The following C3orf20 variants were observed in gnomAD, a reference collection of about 807,000 sequenced individuals.
The protein encoded by C3orf20 is uncharacterized protein C3orf20.
Under a neutral mutation model 88.3 loss-of-function variants are expected in C3orf20, and 76 were observed. The ratio of observed to expected loss-of-function variants is 0.86; its 90% CI spans 0.72 to 1.04. C3orf20 has a LOEUF of 1.04. Ranked by LOEUF, C3orf20 falls within the 50% of genes least tolerant of loss-of-function variation. The pLI is 0.00. For synonymous variants in C3orf20, 436 were observed against 437.4 expected, an observed-to-expected ratio of 1.00 and a Z score of 0.04; for missense variants, 1,056 against 1,123.3, an observed-to-expected ratio of 0.94 and a Z score of 0.86.
At chr3:14,747,316 A>G (rs1043443981) in intron 12 of C3orf20, among the ~76,000 whole-genome samples, 7 of 152,192 alleles carry the variant, frequency 4.6e-5, no homozygotes, top group Non-Finnish European at 1.0e-4. Flanking sequence ...GAAGTTGGCA[A>G]TATTGCAGCT....
rs376462321 is a variant in C3orf20 at position 14,768,290 on chromosome 3, A to G, written c.2496-3777A>G. Among the ~76,000 whole-genome samples the G allele has an allele frequency of 1.3e-5, 2 of 151,906 alleles. No homozygotes were observed. The highest frequency in any genetic ancestry group is 4.8e-5 in the African/African-American group (2 of 41,262). Reference sequence around the variant, plus strand: ...CCCCTCCAAGGATGGAGCTGTGGAGAGCAGGCCCCGTGCTCAGCAAGGAGC... The same window carrying G: ...CCCCTCCAAGGATGGAGCTGTGGAGGGCAGGCCCCGTGCTCAGCAAGGAGC... On this transcript the variant is annotated intron_variant, in intron 15 of 16. Coordinates refer to ENST00000253697, the MANE Select transcript of C3orf20 (RefSeq NM_032137.5). This position sits in a 1 kb window ranked among gnomAD's most constrained non-coding sequence, Gnocchi z 4.1.
intron 13 of C3orf20, among the ~76,000 whole-genome samples, chr3:14,759,177 A>G: frequency 6.6e-6 from 1 of 152,112 alleles, no homozygotes; most frequent in East Asian, 1.9e-4. Flanking sequence ...GTCTTTGGTG[A>G]ATGCAGAAAT....
rs1559394383 is a variant in C3orf20, at chr3:14,684,350, G to C, written c.593G>C (p.Arg198Thr). 2 of 1,614,178 alleles carry C rather than the reference G, an allele frequency of 1.2e-6. No individual in the cohort carries two copies. The highest frequency in any genetic ancestry group is 2.2e-5 in the South Asian group (2 of 91,074). ...AACTGCCTGATCAGCACAGCCGGGAGAAGTGGCTACAGCAGCGGACAGTTG... is the reference window on the plus strand; with the variant it reads ...AACTGCCTGATCAGCACAGCCGGGACAAGTGGCTACAGCAGCGGACAGTTG... ...AFNCLISTAGRSGYSSGQLWK... is the reference protein window; with the variant it reads ...AFNCLISTAGTSGYSSGQLWK... The change falls in exon 4 of 17, where the codon AGA (arginine) becomes ACA (threonine). Residue 198 changes from arginine (R) to threonine (T), a missense_variant. Arg to Thr is a moderately conservative substitution (Grantham distance 71). Coordinates refer to ENST00000253697, the MANE Select transcript of C3orf20 (RefSeq NM_032137.5).
intron 12 of C3orf20, among the ~76,000 whole-genome samples, chr3:14,747,118 T>C (rs1484119300): frequency 2.0e-5 from 3 of 152,218 alleles, no homozygotes; most frequent in East Asian, 3.8e-4. Context: ...GTTGTCAAAG[T>C]TACCAACTAG....
In C3orf20 at chr3:14,703,189, C is replaced by G. The variant is rs2033348214; in HGVS notation, c.805C>G (p.Pro269Ala). The G allele has an allele frequency of 3.1e-6, 5 of 1,614,166 alleles. No homozygotes were observed. Among genetic ancestry groups the G allele is most frequent in the Non-Finnish European group, 4.2e-6 (5 of 1,180,028 alleles). Reference protein sequence around the residue: ...MPPLHRGVGTPANSLEFSDPC... With the variant: ...MPPLHRGVGTAANSLEFSDPC... ...GCCCCTGCATCGAGGAGTGGGAACC[C>G]CTGCCAACAGCCTGGAGTTCAGCGA... is the stretch of plus-strand genomic sequence containing the variant. The change falls in exon 6 of 17, where the codon CCT becomes GCT. Residue 269 changes from proline (P) to alanine (A), a missense_variant. Coordinates refer to ENST00000253697, the MANE Select transcript of C3orf20 (RefSeq NM_032137.5).
intron 4 of C3orf20, among the ~76,000 whole-genome samples, chr3:14,686,865 T>C (rs910671763): frequency 5.3e-5 from 8 of 152,214 alleles, no homozygotes; most frequent in Non-Finnish European, 1.2e-4. Flanking sequence ...ACTGAGTCAG[T>C]AGCTTTGTCA....
At chr3:14,745,139 G>A (rs1256613723) in intron 12 of C3orf20, among the ~76,000 whole-genome samples, 2 of 152,196 alleles carry the variant, frequency 1.3e-5, no homozygotes, top group East Asian at 1.9e-4. Flanking sequence ...AGCAGTTGAT[G>A]AAGCTAGGCT....
Position 14,728,633 on chromosome 3 carries a change from G to T in C3orf20, c.1885G>T (p.Val629Leu), listed in dbSNP as rs371054419. Residue 629 changes from valine (V) to leucine (L), a missense_variant, in exon 12 of 17, where the codon GTG (valine) becomes TTG (leucine). By Grantham distance (32) the Val-to-Leu change is conservative. Transcript: ENST00000253697. ...GAAGGATGAGCCTGAGTCTGCTCCT[G>T]TGAGCCCAGTTCGGAAGACCACCAA... ...TLKDEPESAP[V>L]SPVRKTTKIH... 7 of 1,612,836 alleles carry T rather than the reference G, an allele frequency of 4.3e-6. No individual in the cohort carries two copies. The African/African-American group carries it at 9.4e-5, about 22-fold the overall frequency.
intron 10 of C3orf20, among the ~76,000 whole-genome samples, chr3:14,723,792 ATT>A (rs1280461903): frequency 6.8e-3 from 26 of 3,828 alleles, no homozygotes; most frequent in Admixed American, 0.031. Context: ...ATTTTATTTT[ATT>A]TTATTTTATT....
At chr3:14,705,414 T>G (rs895330370) in intron 7 of C3orf20, among the ~76,000 whole-genome samples, 1 of 152,256 alleles carries the variant, frequency 6.6e-6, no homozygotes, top group African/African-American at 2.4e-5. Context: ...AGTCTGATTA[T>G]TTTCTTCACT....
intron 1 of C3orf20, among the ~76,000 whole-genome samples, chr3:14,677,531 G>T (rs769338392): frequency 3.3e-5 from 5 of 151,768 alleles, no homozygotes. Context: ...CGGGAGTTTC[G>T]TTCCTGTTGC....
intron 5 of C3orf20, among the ~76,000 whole-genome samples, chr3:14,690,621 C>T (rs548943172): frequency 9.8e-5 from 15 of 152,338 alleles, no homozygotes; most frequent in African/African-American, 3.6e-4. Flanking sequence ...GGAAGACACA[C>T]ACAGGAGAGG....
At chr3:14,743,382 C>T (rs552861572) in intron 12 of C3orf20, among the ~76,000 whole-genome samples, 11 of 152,106 alleles carry the variant, frequency 7.2e-5, no homozygotes, top group Admixed American at 2.0e-4. Flanking sequence ...AGGTAAGTTC[C>T]CAGGGTCTTG....
rs368377013 is a variant in C3orf20 at position 14,682,793 on chromosome 3, A to T, written c.80A>T (p.Lys27Ile). ...CCCAAGCTACTGGCCCGCATCTCCA[A>T]ACTCCTCATGATCTGCCAGAATGCA... is the stretch of plus-strand genomic sequence containing the variant. ...MAPKLLARIS[K>I]LLMICQNAGI... The change falls in exon 3 of 17, where the codon AAA becomes ATA. Residue 27 changes from lysine to isoleucine, a missense_variant. Coordinates refer to ENST00000253697, the MANE Select transcript of C3orf20 (RefSeq NM_032137.5). 1.2e-6 allele frequency: 2 copies of T among 1,614,012 alleles called. No homozygotes were observed. The highest frequency in any genetic ancestry group is 2.2e-5 in the East Asian group (1 of 44,892).
intron 15 of C3orf20, among the ~76,000 whole-genome samples, chr3:14,762,531 C>T (rs949678999): frequency 6.6e-6 from 1 of 152,232 alleles, no homozygotes; most frequent in Non-Finnish European, 1.5e-5. Flanking sequence ...CCCTGCTCCA[C>T]TCTACTGGCT....
At chr3:14,722,337 C>G (rs1316468029) in intron 10 of C3orf20, 3 of 386,360 alleles carry the variant, frequency 7.8e-6, no homozygotes, top group African/African-American at 6.2e-5. Context: ...GAAACATTCC[C>G]TGTGGCCAGG....
At position 14,682,840 on chromosome 3, in the gene C3orf20, A is replaced by C; in HGVS notation, c.127A>C (p.Ile43Leu). 2 of 1,614,226 alleles carry C rather than the reference A, an allele frequency of 1.2e-6. No homozygotes were observed. Among genetic ancestry groups the C allele is most frequent in the East Asian group, 4.5e-5 (2 of 44,882 alleles). The change falls in exon 3 of 17, where the codon ATC becomes CTC. Residue 43 changes from isoleucine to leucine, a missense_variant. By Grantham distance (5) the Ile-to-Leu change is conservative. Coordinates refer to ENST00000253697, the MANE Select transcript of C3orf20 (RefSeq NM_032137.5). ...QNAGISVPKG[I>L]RNIFEFTWEE... ...TGCAGGCATTTCTGTACCAAAAGGCATCAGAAACATCTTTGAGTTCACTTG... is the reference window on the plus strand; with the variant it reads ...TGCAGGCATTTCTGTACCAAAAGGCCTCAGAAACATCTTTGAGTTCACTTG...
At chr3:14,757,199 G>A (rs900908016) in intron 12 of C3orf20, among the ~76,000 whole-genome samples, 172 bp from the exon 13 acceptor site, 5 of 152,228 alleles carry the variant, frequency 3.3e-5, no homozygotes, top group African/African-American at 1.2e-4. Context: ...TGTGGAAAGA[G>A]GCCCAGAGAG....
At chr3:14,767,253 G>T (rs146696660) in intron 15 of C3orf20, 1 of 152,334 alleles carries the variant, frequency 6.6e-6, no homozygotes, top group African/African-American at 2.4e-5. Flanking sequence ...CTAGCATGGG[G>T]TGGTGGGGAG....
Sources: allele counts gnomAD v4.1 joint callset (sites outside exome capture counted in the v4.1 genomes callset), GRCh38; gene constraint gnomAD v4.1.1; non-coding constraint Gnocchi (gnomAD v3.1); transcripts MANE v1.5; gene names NCBI Gene and HGNC (gene_info 2026-07-23, HGNC 2026-07-21).